Variants in PLCG2 observed in about 807,000 individuals in gnomAD.
PLCG2 encodes the protein phospholipase C gamma 2, also known as 1-phosphatidylinositol 4,5-bisphosphate phosphodiesterase gamma-2.
Under a neutral mutation model 175.6 loss-of-function variants are expected in PLCG2, and 69 were observed. That is an observed-to-expected ratio of 0.39 (90% CI 0.32 to 0.48). The LOEUF (loss-of-function observed/expected upper bound fraction) is 0.48. Among genes scored for constraint, PLCG2 ranks in the 20% least tolerant of loss-of-function variants. PLCG2 has a pLI of 0.91. For synonymous variants in PLCG2, 827 were observed against 624.0 expected, an observed-to-expected ratio of 1.33 and a Z score of -4.85; for missense variants, 1,798 against 1,650.9, an observed-to-expected ratio of 1.09 and a Z score of -1.54.
At chr16:81,923,693 C>A (rs1346835149) in intron 22 of PLCG2, 99 bp downstream of exon 22, 3 of 705,172 alleles carry the variant, frequency 4.3e-6, no homozygotes, top group South Asian at 3.4e-5. Flanking sequence ...CCCCCTTTGT[C>A]ATCCTGGGCT....
intron 1 of PLCG2, among the ~76,000 whole-genome samples, chr16:81,785,523 T>G (rs543691025): frequency 1.3e-3 from 200 of 152,094 alleles, no homozygotes; most frequent in Admixed American, 2.4e-3. Flanking sequence ...GTTCTTAATT[T>G]TGCTCAGGAA....
chr16:81,823,773 C>G (rs1356388576), intron 2 of PLCG2, among the ~76,000 whole-genome samples: 1 of 151,804 alleles, frequency 6.6e-6, no homozygotes, highest in Non-Finnish European at 1.5e-5. Context: ...CAAGCAATCC[C>G]CTGACCTCGG....
chr16:81,860,212 A>G (rs968062851), intron 5 of PLCG2, among the ~76,000 whole-genome samples: 2 of 136,626 alleles, frequency 1.5e-5, no homozygotes, highest in Non-Finnish European at 3.1e-5. Context: ...TTACCCAGAC[A>G]TTTTTTTTTA....
At chr16:81,809,188 C>T (rs995699999) in intron 2 of PLCG2, among the ~76,000 whole-genome samples, 32 of 152,260 alleles carry the variant, frequency 2.1e-4, no homozygotes, top group African/African-American at 7.7e-4. Context: ...CTTATCCCCT[C>T]AGCACACACC....
At chr16:81,791,603 C>T (rs757840664) in intron 2 of PLCG2, among the ~76,000 whole-genome samples, 1 of 152,198 alleles carries the variant, frequency 6.6e-6, no homozygotes, top group Non-Finnish European at 1.5e-5. Flanking sequence ...GAATCTCTGT[C>T]ACCCAGGCTG....
chr16:81,894,095 G>A (rs917204473), intron 12 of PLCG2, among the ~76,000 whole-genome samples: 2 of 151,842 alleles, frequency 1.3e-5, no homozygotes, highest in African/African-American at 2.4e-5. Flanking sequence ...CACAGGTACC[G>A]CGTATCACCT....
chr16:81,819,083 C>G (rs1435183910), intron 2 of PLCG2, among the ~76,000 whole-genome samples: 1 of 152,042 alleles, frequency 6.6e-6, no homozygotes, highest in Non-Finnish European at 1.5e-5. Flanking sequence ...TTGCTCAAGT[C>G]TACACAGCGG....
chr16:81,943,302 G>C (rs1911025864), intron 30 of PLCG2, among the ~76,000 whole-genome samples: 1 of 152,192 alleles, frequency 6.6e-6, no homozygotes. Context: ...TTCTGGGGAG[G>C]CCTCAGGAAA....
chr16:81,924,253 A>G (rs1237884041), intron 22 of PLCG2, among the ~76,000 whole-genome samples: 1 of 152,280 alleles, frequency 6.6e-6, no homozygotes, highest in Non-Finnish European at 1.5e-5. Flanking sequence ...GTCTGAGAGC[A>G]ATAAGAACTT....
chr16:81,910,496 A>G, intron 17 of PLCG2, 24 bp from the exon 18 acceptor site: 1 of 1,611,248 alleles, frequency 6.2e-7, no homozygotes, highest in East Asian at 2.2e-5. Context: ...TTCTCCCAGC[A>G]CTGATGGCGT....
intron 22 of PLCG2, among the ~76,000 whole-genome samples, chr16:81,926,236 T>G (rs1357627986): frequency 1.3e-5 from 2 of 152,180 alleles, no homozygotes; most frequent in African/African-American, 4.8e-5. Flanking sequence ...CAGACTGTGC[T>G]GGGCCGTGGC....
At chr16:81,773,320 C>T (rs1334552204) in intron 2 of PLCG2, among the ~76,000 whole-genome samples, 1 of 152,188 alleles carries the variant, frequency 6.6e-6, no homozygotes. Flanking sequence ...CCTGGGCTTC[C>T]AGCAATGTGA....
chr16:81,878,028 C>T (rs148237648), intron 7 of PLCG2, among the ~76,000 whole-genome samples: 3 of 116,306 alleles, frequency 2.6e-5, no homozygotes. Context: ...GTCACCCAGG[C>T]TGGAGTGTAG....
chr16:81,881,504 G>T (rs950095367), intron 8 of PLCG2, among the ~76,000 whole-genome samples: 1 of 152,208 alleles, frequency 6.6e-6, no homozygotes, highest in Non-Finnish European at 1.5e-5. Context: ...CAGCCTATCT[G>T]ACTGGGAGAA....
chr16:81,906,573 A>C (rs1013243743), intron 15 of PLCG2, among the ~76,000 whole-genome samples: 1 of 152,122 alleles, frequency 6.6e-6, no homozygotes, highest in Non-Finnish European at 1.5e-5. Context: ...ACAGATGTGC[A>C]CCACCATGCC....
intron 8 of PLCG2, among the ~76,000 whole-genome samples, chr16:81,881,712 T>G (rs956868661): frequency 3.3e-5 from 5 of 152,212 alleles, no homozygotes; most frequent in Non-Finnish European, 7.3e-5. Flanking sequence ...TGGCGCAATC[T>G]TGGCTCACTG....
chr16:81,810,582 C>G (rs1274334243), intron 2 of PLCG2, among the ~76,000 whole-genome samples: 1 of 151,698 alleles, frequency 6.6e-6, no homozygotes, highest in South Asian at 2.1e-4. Context: ...TTTTAGCTTT[C>G]TTTTTGCAAA....
chr16:81,826,689 G>A (rs756264407), intron 2 of PLCG2, among the ~76,000 whole-genome samples: 2 of 152,056 alleles, frequency 1.3e-5, no homozygotes, highest in African/African-American at 4.8e-5. Context: ...TGTCCTTGGC[G>A]CTTTAAAAAT....
chr16:81,765,247 C>T (rs1026112818), intron 2 of PLCG2, among the ~76,000 whole-genome samples: 2 of 152,252 alleles, frequency 1.3e-5, no homozygotes, highest in African/African-American at 2.4e-5. Context: ...GGAGAGGCAT[C>T]TGCAAACCAG....
Sources: gnomAD v4.1 joint callset for allele counts (sites outside exome capture counted in the v4.1 genomes callset) on GRCh38, gnomAD v4.1.1 for gene constraint, MANE v1.5 for transcripts, NCBI Gene and HGNC (gene_info 2026-07-23, HGNC 2026-07-21) for gene names.